The following TCFL5 variants were observed in gnomAD, a reference collection of about 807,000 sequenced individuals.
TCFL5 encodes transcription factor-like 5 protein.
TCFL5 carries 9 observed loss-of-function variants against 44.3 expected under a neutral mutation model. That is an observed-to-expected ratio of 0.20 (90% CI 0.12 to 0.35). The LOEUF is 0.35. Among genes scored for constraint, TCFL5 ranks in the 10% least tolerant of loss-of-function variants. The pLI is 1.00. For missense variants in TCFL5, 603 were observed against 613.4 expected (o/e 0.98, Z 0.18); for synonymous variants, 319 against 271.6 (o/e 1.17, Z -1.72).
chr20:62,853,229 T>C (rs1457998876), intron 5 of TCFL5, among the ~76,000 whole-genome samples: 1 of 152,078 alleles, frequency 6.6e-6, no homozygotes, highest in Non-Finnish European at 1.5e-5. Flanking sequence ...ATGCACCCAG[T>C]CCACAGAAGT....
intron 5 of TCFL5, among the ~76,000 whole-genome samples, chr20:62,846,583 G>A (rs2063745279): frequency 6.6e-6 from 1 of 152,132 alleles, no homozygotes; most frequent in African/African-American, 2.4e-5. Context: ...AGATACTCAT[G>A]TTAGATTTGT....
chr20:62,844,561 G>GTTT (rs911762716), intron 5 of TCFL5, among the ~76,000 whole-genome samples: 1 of 138,876 alleles, frequency 7.2e-6, no homozygotes, highest in African/African-American at 2.9e-5. Flanking sequence ...TTTTTTTTCT[G>GTTT]TTTTTTTTTG....
chr20:62,844,535 C>T (rs1383246503), intron 5 of TCFL5, among the ~76,000 whole-genome samples: 2 of 151,808 alleles, frequency 1.3e-5, no homozygotes, highest in African/African-American at 2.4e-5. Flanking sequence ...CACACCATCA[C>T]GCCTGGCTTT....
Position 62,861,399 on chromosome 20 carries a change from G to C in TCFL5, c.272C>G (p.Ala91Gly), listed in dbSNP as rs772127450. Residue 91 changes from alanine to glycine, a missense_variant, in exon 1 of 6, where the codon GCG (alanine) becomes GGG (glycine). Physicochemically the swap from Ala to Gly is moderately conservative, Grantham distance 60. Around this residue, in one of 4 missense-constraint regions of TCFL5, gnomAD observed 540 missense variants for 478.7 expected, o/e 1.13. Transcript: ENST00000335351. The surrounding 1 kb of genome is among the most constrained non-coding windows in gnomAD (Gnocchi z 4.0). The stretch of plus-strand genomic sequence containing the variant: ...CTGACCGCCCGCCGCGAAGCCGCCC[G>C]CGCCTGCGCCCGGGCCCGCCGCCGC... ...LLAAAGPGAG[A>G]GGFAAGGQGG... 4.6e-6 allele frequency: 5 copies of C among 1,087,662 alleles called. No individual in the cohort carries two copies. The highest frequency in any genetic ancestry group is 3.6e-4 in the Middle Eastern group (1 of 2,748). 67.4% of individuals were successfully genotyped at this position (1,087,662 alleles called of 1,614,324 possible). A position where few individuals can be genotyped will look rare whatever the true frequency, so the allele number is the denominator to read the frequency against.
intron 2 of TCFL5, 104 bp downstream of exon 2, chr20:62,860,021 A>G: frequency 8.5e-7 from 1 of 1,170,540 alleles, no homozygotes; most frequent in Non-Finnish European, 1.2e-6. Flanking sequence ...AAAGGTTATT[A>G]AGCTCACTGA....
intron 1 of TCFL5, among the ~76,000 whole-genome samples, chr20:62,860,639 C>T (rs956726977): frequency 7.2e-5 from 11 of 152,242 alleles, no homozygotes; most frequent in Admixed American, 2.0e-4. Context: ...CCCTGAGGGT[C>T]GCCAAGGGGG....
At position 62,859,383 on chromosome 20, in the gene TCFL5, T is replaced by G. The variant is rs776066555; in HGVS notation, c.975A>C (p.Gln325His). 6 of 1,607,980 alleles carry G rather than the reference T, an allele frequency of 3.7e-6. No individual in the cohort carries two copies. In the Admixed American group the frequency reaches 1.0e-4, roughly 27 times the overall value. ...LGSRNKVLPE[Q>H]VWIKVGEAAL... ...GCTTACCTCCCACTTTAATCCAAAC[T>G]TGCTCAGGCAAAACTTTGTTTCTAC... is the stretch of plus-strand genomic sequence containing the variant. Residue 325 changes from glutamine to histidine, a missense_variant, in exon 3 of 6, where the codon CAA becomes CAC. Around this residue, in one of 4 missense-constraint regions of TCFL5, gnomAD observed 540 missense variants for 478.7 expected, o/e 1.13. Transcript: ENST00000335351.
In TCFL5 at chr20:62,842,669, A is replaced by C. The variant is rs2063692832; in HGVS notation, c.1381-572T>G. ...CCCCAGCTACTTGGGAGGCTGAGGC[A>C]GGACAATCTCTTGAGCCTGGGAGGT... On this transcript the variant is annotated intron_variant, in intron 5 of 5. Coordinates refer to ENST00000335351, the MANE Select transcript of TCFL5 (RefSeq NM_006602.4). The surrounding 1 kb of genome is among the most constrained non-coding windows in gnomAD (Gnocchi z 4.3). Among the ~76,000 whole-genome samples the C allele has an allele frequency of 6.6e-6, 1 of 152,232 alleles. No homozygotes were observed. Among genetic ancestry groups the C allele is most frequent in the Non-Finnish European group, 1.5e-5 (1 of 68,038 alleles).
intron 5 of TCFL5, 54 bp downstream of exon 5, chr20:62,853,962 C>T: frequency 6.3e-7 from 1 of 1,590,198 alleles, no homozygotes; most frequent in South Asian, 1.1e-5. Flanking sequence ...AAAGGAGGGA[C>T]ATTGTTAAGT....
At chr20:62,856,844 A>G (rs977815381) in intron 4 of TCFL5, among the ~76,000 whole-genome samples, 1 of 152,152 alleles carries the variant, frequency 6.6e-6, no homozygotes, top group Non-Finnish European at 1.5e-5. Context: ...GAGTCTGCAA[A>G]CCTAGATTCA....
rs956366142 is a variant in TCFL5, at chr20:62,861,674, G to A, written c.-4C>T. On this transcript the variant is annotated 5_prime_UTR_variant, in exon 1 of 6. Transcript: ENST00000335351. This position sits in a 1 kb window ranked among gnomAD's most constrained non-coding sequence, Gnocchi z 4.0. ...CCCGCGGTCCGGGGCCCGACATGGC[G>A]GCGCGGCGCGGCCCAACGGCGGCGA... The A allele has an allele frequency of 1.7e-6, 1 of 574,934 alleles. No individual in the cohort carries two copies. The highest frequency in any genetic ancestry group is 7.2e-5 in the South Asian group (1 of 13,976). 35.6% of individuals were successfully genotyped at this position (574,934 alleles called of 1,614,324 possible).
At chr20:62,848,780 G>A (rs2063775037) in intron 5 of TCFL5, among the ~76,000 whole-genome samples, 1 of 152,088 alleles carries the variant, frequency 6.6e-6, no homozygotes, top group Non-Finnish European at 1.5e-5. Flanking sequence ...GCTCAGGCCT[G>A]TAATCCCAGC....
rs561887138 is a variant in TCFL5, at chr20:62,841,555, A to C, written c.*420T>G. The stretch of plus-strand genomic sequence containing the variant: ...AATTTCCAAACTGTTTTTAGTTAAC[A>C]ATTTAACTTGTTCCAATTGCTAAAG... On this transcript the variant is annotated 3_prime_UTR_variant, in exon 6 of 6. Transcript: ENST00000335351. 1 of 156,196 alleles carries C rather than the reference A, an allele frequency of 6.4e-6. No homozygotes were observed. Among genetic ancestry groups the C allele is most frequent in the Admixed American group, 6.3e-5 (1 of 15,972 alleles). The allele number at this position is 156,196 out of a possible 1,614,324, so 9.7% of individuals were successfully genotyped here.
In TCFL5 at chr20:62,860,211, T is replaced by A. The variant is rs1234185690; in HGVS notation, c.745A>T (p.Thr249Ser). ...TALVKNKTAA[T>S]TTALQFTYPL... The stretch of plus-strand genomic sequence containing the variant: ...TATGTAAATTGCAAAGCAGTAGTTG[T>A]AGCCGCAGTTTTATTTTTCACTAAT... The change falls in exon 2 of 6, where the codon ACA becomes TCA. Residue 249 changes from threonine to serine, a missense_variant. This residue lies in a region of TCFL5 where 540 missense variants were observed against 478.7 expected (regional missense o/e 1.13). Transcript: ENST00000335351. 6.2e-7 allele frequency: 1 copy of A among 1,613,950 alleles called. No homozygotes were observed. The highest frequency in any genetic ancestry group is 2.2e-5 in the East Asian group (1 of 44,894).
At chr20:62,855,539 C>G (rs6062715) in intron 4 of TCFL5, among the ~76,000 whole-genome samples, 39,945 of 151,864 alleles carry the variant, frequency 0.26, 5,365 homozygotes, top group Middle Eastern at 0.33. Flanking sequence ...GGCCGAGGCA[C>G]GTGGATCACC....
chr20:62,853,052 A>G (rs1039460329), intron 5 of TCFL5, among the ~76,000 whole-genome samples: 18 of 148,622 alleles, frequency 1.2e-4, no homozygotes, highest in African/African-American at 4.6e-4. Flanking sequence ...CACCCGGTCC[A>G]CAGAAGTACA....
chr20:62,841,992 AG>A lies in TCFL5; in HGVS notation c.1485del (p.Ser496ArgfsTer46), dbSNP rs1252204906. 1 of 1,614,144 alleles carries A rather than the reference AG, an allele frequency of 6.2e-7. No individual in the cohort carries two copies. Among genetic ancestry groups the A allele is most frequent in the South Asian group, 1.1e-5 (1 of 91,086 alleles). The stretch of plus-strand genomic sequence containing the variant: ...CAGTCCGATCACTTGATCTCCATCG[AG>A]GGGCTGCTCTGTAAACTCCCCTGTG... ...CPAQGSLQSS[P>X]SMEIK is the part of the protein sequence containing the mutation. On this transcript the variant is annotated frameshift_variant, in exon 6 of 6. Coordinates refer to ENST00000335351, the MANE Select transcript of TCFL5 (RefSeq NM_006602.4). LOFTEE classifies it high-confidence loss of function.
rs2063685526 is a variant in TCFL5, at chr20:62,842,083, T to C, written c.1395A>G (p.Val465=). 6.2e-7 allele frequency: 1 copy of C among 1,614,138 alleles called. No individual in the cohort carries two copies. Among genetic ancestry groups the C allele is most frequent in the Non-Finnish European group, 8.5e-7 (1 of 1,180,006 alleles). Residue 465 remains valine (V), a synonymous_variant, in exon 6 of 6, where the codon GTA becomes GTG. Coordinates refer to ENST00000335351, the MANE Select transcript of TCFL5 (RefSeq NM_006602.4). This position sits in a 1 kb window ranked among gnomAD's most constrained non-coding sequence, Gnocchi z 4.3. ...GCCTTCGGCCAGTTTTACCGCAAAA[T>C]ACGCTCTCAAATTCCTGCAGTGAAG... The part of the protein sequence containing the change: ...GDSLKKEFES[V]FCGKTGRRLK...
At chr20:62,853,826 G>C (rs917885020) in intron 5 of TCFL5, among the ~76,000 whole-genome samples, 190 bp downstream of exon 5, 2 of 152,154 alleles carry the variant, frequency 1.3e-5, no homozygotes, top group African/African-American at 4.8e-5. Flanking sequence ...AACACATGTA[G>C]GCTGTGACTA....
Sources: gnomAD v4.1 joint callset for allele counts (sites outside exome capture counted in the v4.1 genomes callset) on GRCh38, gnomAD v4.1.1 for gene constraint, gnomAD v4.1.1 regional missense constraint, Gnocchi (gnomAD v3.1) non-coding constraint, MANE v1.5 for transcripts, NCBI Gene and HGNC (gene_info 2026-07-23, HGNC 2026-07-21) for gene names.